DTNB: variants seen among roughly 807,000 people sequenced by gnomAD.
DTNB encodes the protein dystrobrevin beta, also known as DTN-B.
Under a neutral mutation model 90.7 loss-of-function variants are expected in DTNB, and 63 were observed. The ratio of observed to expected loss-of-function variants is 0.69; its 90% CI spans 0.57 to 0.86. The LOEUF is 0.86. DTNB is among the 40% of genes least tolerant of loss of function. The pLI, the probability that DTNB is intolerant of heterozygous loss-of-function variation, is 0.00. For synonymous variants in DTNB, 277 were observed against 286.7 expected, an observed-to-expected ratio of 0.97 and a Z score of 0.34; for missense variants, 744 against 807.1, an observed-to-expected ratio of 0.92 and a Z score of 0.95.
chr2:25,425,152 ATAAGATTT>A (rs2051111445), intron 15 of DTNB, among the ~76,000 whole-genome samples: 1 of 152,348 alleles, frequency 6.6e-6, no homozygotes, highest in South Asian at 2.1e-4. Flanking sequence ...ACATTTTTAC[ATAAGATTT>A]TCTTTAAATA....
chr2:25,576,717 G>T, intron 8 of DTNB, 121 bp downstream of exon 8: 1 of 1,235,460 alleles, frequency 8.1e-7, no homozygotes, highest in Non-Finnish European at 1.1e-6. Context: ...AAATGTTAGT[G>T]TTAAGATTTT....
At chr2:25,404,127 T>C (rs1002533955) in intron 16 of DTNB, among the ~76,000 whole-genome samples, 1 of 152,090 alleles carries the variant, frequency 6.6e-6, no homozygotes, top group African/African-American at 2.4e-5. Flanking sequence ...TTCTTCTACT[T>C]TGAAAGGTGT....
At chr2:25,568,322 T>G (rs1330415970) in intron 8 of DTNB, among the ~76,000 whole-genome samples, 1 of 152,104 alleles carries the variant, frequency 6.6e-6, no homozygotes, top group Non-Finnish European at 1.5e-5. Flanking sequence ...AATGTTATAT[T>G]ACATATATTT....
chr2:25,567,964 T>G (rs1218874059), intron 8 of DTNB, among the ~76,000 whole-genome samples: 2 of 152,092 alleles, frequency 1.3e-5, no homozygotes, highest in South Asian at 2.1e-4. Context: ...ATCGAGACCA[T>G]CCTGGCCAAC....
Position 25,424,879 on chromosome 2 carries a change from G to A in DTNB, c.1554+2656C>T, listed in dbSNP as rs1398325325. Among the ~76,000 whole-genome samples, 1 of 152,074 alleles carries A rather than the reference G, an allele frequency of 6.6e-6. No homozygotes were observed. The highest frequency in any genetic ancestry group is 1.5e-5 in the Non-Finnish European group (1 of 68,010). On this transcript the variant is annotated intron_variant, in intron 15 of 20. Coordinates refer to ENST00000406818, the MANE Select transcript of DTNB (RefSeq NM_021907.5). The surrounding 1 kb of genome is among the most constrained non-coding windows in gnomAD (Gnocchi z 4.1). ...GATGGGGTTTTGCCATGTCAGCCAG[G>A]CTGAACTCCTGGCCTCAAGTGATCC...
intron 14 of DTNB, among the ~76,000 whole-genome samples, chr2:25,429,308 T>A (rs752463457): frequency 2.6e-5 from 4 of 152,210 alleles, no homozygotes; most frequent in African/African-American, 9.7e-5. Context: ...TAGAAATGTT[T>A]TGATTATGTG....
chr2:25,435,200 T>C (rs2149989736), intron 12 of DTNB, among the ~76,000 whole-genome samples: 1 of 152,304 alleles, frequency 6.6e-6, no homozygotes, highest in East Asian at 1.9e-4. Flanking sequence ...TTTGTATTTT[T>C]AGTAGAGACA....
At chr2:25,412,940 G>A (rs1027650622) in intron 16 of DTNB, among the ~76,000 whole-genome samples, 2 of 152,210 alleles carry the variant, frequency 1.3e-5, no homozygotes, top group Non-Finnish European at 2.9e-5. Context: ...AGTCTCTGGT[G>A]ACCCTAGTGT....
chr2:25,463,529 T>C (rs180957156), intron 10 of DTNB, among the ~76,000 whole-genome samples: 32 of 152,384 alleles, frequency 2.1e-4, no homozygotes, highest in Admixed American at 9.1e-4. Context: ...ATTTCAGTAG[T>C]GGCTGCACAA....
At chr2:25,653,949 T>C (rs2081559216) in intron 1 of DTNB, among the ~76,000 whole-genome samples, 2 of 152,200 alleles carry the variant, frequency 1.3e-5, no homozygotes, top group African/African-American at 2.4e-5. Context: ...CTTCTGTATC[T>C]TTCCTTCACT....
chr2:25,586,845 T>C (rs186573189), intron 6 of DTNB, among the ~76,000 whole-genome samples: 325 of 152,326 alleles, frequency 2.1e-3, no homozygotes, highest in Admixed American at 5.2e-3. Flanking sequence ...TTTGACTGCT[T>C]TGACTCACTC....
intron 8 of DTNB, among the ~76,000 whole-genome samples, chr2:25,545,588 G>A (rs952611260): frequency 1.3e-5 from 2 of 152,148 alleles, no homozygotes; most frequent in African/African-American, 4.8e-5. Flanking sequence ...CACTAGCCCC[G>A]TGTGGTTACT....
intron 8 of DTNB, among the ~76,000 whole-genome samples, chr2:25,531,997 A>G (rs1310314294): frequency 1.3e-5 from 2 of 152,188 alleles, no homozygotes; most frequent in African/African-American, 4.8e-5. Context: ...CTATAATCCC[A>G]GCTCTTTGGA....
intron 10 of DTNB, among the ~76,000 whole-genome samples, chr2:25,463,232 T>C (rs1021172620): frequency 6.6e-6 from 1 of 152,186 alleles, no homozygotes; most frequent in Non-Finnish European, 1.5e-5. Context: ...CTTAAATAAA[T>C]GGCATCACTA....
intron 10 of DTNB, among the ~76,000 whole-genome samples, chr2:25,463,023 G>A (rs924903693): frequency 2.0e-5 from 3 of 152,122 alleles, no homozygotes; most frequent in Non-Finnish European, 4.4e-5. Flanking sequence ...ACTCTTACAA[G>A]AAAGGGATTA....
intron 8 of DTNB, among the ~76,000 whole-genome samples, chr2:25,561,649 C>T (rs149328434): frequency 2.0e-5 from 3 of 152,084 alleles, no homozygotes; most frequent in Non-Finnish European, 4.4e-5. Flanking sequence ...GTTCTCAGTC[C>T]ACAGGAGAGC....
At chr2:25,628,806 T>C (rs2075030584) in intron 3 of DTNB, among the ~76,000 whole-genome samples, 1 of 152,218 alleles carries the variant, frequency 6.6e-6, no homozygotes, top group Non-Finnish European at 1.5e-5. Flanking sequence ...CTTTACTGTA[T>C]GACCCTAAAG....
At chr2:25,643,566 G>A (rs947772689) in intron 2 of DTNB, among the ~76,000 whole-genome samples, 1 of 152,196 alleles carries the variant, frequency 6.6e-6, no homozygotes, top group African/African-American at 2.4e-5. Context: ...ACTGTAGATA[G>A]AATTTTGGAC....
At chr2:25,544,889 T>C (rs2082100624) in intron 8 of DTNB, among the ~76,000 whole-genome samples, 1 of 152,256 alleles carries the variant, frequency 6.6e-6, no homozygotes, top group African/African-American at 2.4e-5. Flanking sequence ...AAGTATATCC[T>C]TTATTAATTC....
Sources: gnomAD v4.1 joint callset for allele counts (sites outside exome capture counted in the v4.1 genomes callset) on GRCh38, gnomAD v4.1.1 for gene constraint, Gnocchi (gnomAD v3.1) non-coding constraint, MANE v1.5 for transcripts, NCBI Gene and HGNC (gene_info 2026-07-23, HGNC 2026-07-21) for gene names.